The following SMYD3 variants were observed in gnomAD, a reference collection of about 807,000 sequenced individuals.
SMYD3 encodes the protein histone-lysine N-methyltransferase SMYD3.
SMYD3 carries 36 observed loss-of-function variants against 57.7 expected under a neutral mutation model. That is an observed-to-expected ratio of 0.62 (90% CI 0.48 to 0.82). The LOEUF (loss-of-function observed/expected upper bound fraction) is 0.82. Among genes scored for constraint, SMYD3 ranks in the 40% least tolerant of loss-of-function variants. The pLI, the probability that SMYD3 is intolerant of heterozygous loss-of-function variation, is 0.00. For missense variants in SMYD3, 515 were observed against 538.8 expected (o/e 0.96, Z 0.44); for synonymous variants, 211 against 195.0 (o/e 1.08, Z -0.68).
At chr1:246,194,580 T>C (rs1294644958) in intron 5 of SMYD3, among the ~76,000 whole-genome samples, 1 of 152,188 alleles carries the variant, frequency 6.6e-6, no homozygotes, top group Non-Finnish European at 1.5e-5. Context: ...TGCCACAGTT[T>C]TTCACAGACA....
At chr1:245,762,803 C>T (rs1287720174) in intron 11 of SMYD3, among the ~76,000 whole-genome samples, 1 of 152,224 alleles carries the variant, frequency 6.6e-6, no homozygotes, top group Non-Finnish European at 1.5e-5. Flanking sequence ...GTTTTGGGAT[C>T]AGCCGGCCCC....
At chr1:245,907,803 T>C (rs1183869998) in intron 8 of SMYD3, among the ~76,000 whole-genome samples, 1 of 152,146 alleles carries the variant, frequency 6.6e-6, no homozygotes. Context: ...AACTATGTGC[T>C]GCCTACAAAA....
At chr1:245,773,027 A>G (rs901654922) in intron 10 of SMYD3, among the ~76,000 whole-genome samples, 1 of 145,778 alleles carries the variant, frequency 6.9e-6, no homozygotes, top group Admixed American at 6.9e-5. Context: ...TATGGTAATT[A>G]GTGGAATGCA....
At chr1:246,375,934 T>C (rs1418018836) in intron 1 of SMYD3, among the ~76,000 whole-genome samples, 2 of 152,010 alleles carry the variant, frequency 1.3e-5, no homozygotes, top group African/African-American at 2.4e-5. Context: ...TTCACCATGT[T>C]GGCCAGGCTG....
chr1:246,115,085 A>G (rs1337248131), intron 5 of SMYD3, among the ~76,000 whole-genome samples: 1 of 152,216 alleles, frequency 6.6e-6, no homozygotes, highest in Non-Finnish European at 1.5e-5. Context: ...GAGACCAAAA[A>G]AGGCTAGAGT....
intron 5 of SMYD3, among the ~76,000 whole-genome samples, chr1:246,188,312 G>T (rs996141007): frequency 2.0e-5 from 3 of 152,070 alleles, no homozygotes; most frequent in African/African-American, 4.8e-5. Flanking sequence ...CTGAAAAGAG[G>T]ATCTCCTTGC....
chr1:246,326,701 T>A (rs549737503), intron 5 of SMYD3: 81 of 293,912 alleles, frequency 2.8e-4, no homozygotes, highest in African/African-American at 1.7e-3. Context: ...GAGGCGGAGA[T>A]TGCAGTGAGC....
At chr1:246,212,907 AG>A (rs1330306669) in intron 5 of SMYD3, among the ~76,000 whole-genome samples, 6 of 152,158 alleles carry the variant, frequency 3.9e-5, no homozygotes, top group African/African-American at 1.4e-4. Flanking sequence ...AATGGATTTC[AG>A]TAACTTGCTC....
intron 5 of SMYD3, among the ~76,000 whole-genome samples, chr1:246,217,400 T>C (rs1302306967): frequency 6.6e-6 from 1 of 151,998 alleles, no homozygotes; most frequent in Non-Finnish European, 1.5e-5. Context: ...TCCCAGCTAC[T>C]TGGAAGGCTG....
rs1278774636 is a variant in SMYD3, at chr1:246,099,832, T to C, written c.532-169895A>G. Among the ~76,000 whole-genome samples the C allele has an allele frequency of 2.0e-5, 3 of 152,202 alleles. No individual in the cohort carries two copies. In the East Asian group the frequency reaches 5.8e-4, roughly 29 times the overall value. ...TACCTCATCAGAAATCCAAAGCCAGTCTTTTCTGATTAAATCATTAAATAA... is the reference window on the plus strand; with the variant it reads ...TACCTCATCAGAAATCCAAAGCCAGCCTTTTCTGATTAAATCATTAAATAA... On this transcript the variant is annotated intron_variant, in intron 5 of 11. Transcript: ENST00000490107.
intron 2 of SMYD3, among the ~76,000 whole-genome samples, chr1:246,338,246 AC>A (rs2065575855): frequency 6.6e-6 from 1 of 152,204 alleles, no homozygotes; most frequent in African/African-American, 2.4e-5. Flanking sequence ...ATCACATCTT[AC>A]CATAAGGGTT....
intron 5 of SMYD3, among the ~76,000 whole-genome samples, chr1:246,225,883 G>C (rs1379824598): frequency 1.3e-5 from 2 of 152,204 alleles, no homozygotes; most frequent in African/African-American, 4.8e-5. Flanking sequence ...TGCAAGGCTA[G>C]ATGTATCTCA....
At chr1:246,003,796 T>C (rs1473001229) in intron 5 of SMYD3, among the ~76,000 whole-genome samples, 1 of 152,256 alleles carries the variant, frequency 6.6e-6, no homozygotes, top group African/African-American at 2.4e-5. Flanking sequence ...ATATTTACTT[T>C]GTTGCCTTTC....
At chr1:246,311,153 C>A (rs1372766507) in intron 5 of SMYD3, among the ~76,000 whole-genome samples, 4 of 152,092 alleles carry the variant, frequency 2.6e-5, no homozygotes, top group African/African-American at 4.8e-5. Flanking sequence ...AAGTTTAAAC[C>A]TTCCTTGTCA....
intron 5 of SMYD3, among the ~76,000 whole-genome samples, chr1:245,967,158 A>G (rs2058175759): frequency 1.3e-5 from 2 of 152,124 alleles, no homozygotes. Flanking sequence ...AGAGGTAGAA[A>G]TCTCTCTATT....
intron 1 of SMYD3, among the ~76,000 whole-genome samples, chr1:246,487,050 A>G (rs1264429049): frequency 6.6e-6 from 1 of 152,238 alleles, no homozygotes; most frequent in Non-Finnish European, 1.5e-5. Flanking sequence ...TTGTTTAAAT[A>G]AGAACAGTCA....
chr1:245,801,357 A>G (rs1392956097), intron 10 of SMYD3, among the ~76,000 whole-genome samples: 1 of 152,234 alleles, frequency 6.6e-6, no homozygotes, highest in Non-Finnish European at 1.5e-5. Context: ...TGATGAGTGC[A>G]TCCCTCTGGC....
chr1:246,453,906 T>C (rs2067665908), intron 1 of SMYD3, among the ~76,000 whole-genome samples: 1 of 152,212 alleles, frequency 6.6e-6, no homozygotes, highest in Non-Finnish European at 1.5e-5. Context: ...ACATTTTAAC[T>C]ACTAATAAAG....
chr1:246,506,295 C>G (rs1242067796), intron 1 of SMYD3, among the ~76,000 whole-genome samples: 2 of 152,198 alleles, frequency 1.3e-5, no homozygotes, highest in African/African-American at 4.8e-5. Flanking sequence ...TACACCGGCA[C>G]AGCGCGTCCA....
Sources: gnomAD v4.1 joint callset for allele counts (sites outside exome capture counted in the v4.1 genomes callset) on GRCh38, gnomAD v4.1.1 for gene constraint, MANE v1.5 for transcripts, NCBI Gene and HGNC (gene_info 2026-07-23, HGNC 2026-07-21) for gene names.